Variants in MLIP observed in about 807,000 individuals in gnomAD.
MLIP encodes the protein muscular LMNA interacting protein, also known as muscular LMNA-interacting protein.
Under a neutral mutation model 84.8 loss-of-function variants are expected in MLIP, and 79 were observed. The ratio of observed to expected loss-of-function variants is 0.93; its 90% confidence interval spans 0.78 to 1.12. The LOEUF is 1.12. Among genes scored for constraint, MLIP ranks in the 50% most tolerant of loss-of-function variants. The pLI is 0.00. For missense variants in MLIP, 1,257 were observed against 1,160.6 expected (o/e 1.08, Z -1.21); for synonymous variants, 504 against 463.0 (o/e 1.09, Z -1.14).
chr6:54,201,504 A>G (rs542536620), intron 10 of MLIP, among the ~76,000 whole-genome samples: 36 of 152,316 alleles, frequency 2.4e-4, no homozygotes, highest in African/African-American at 7.7e-4. Flanking sequence ...TAGCTTCTAC[A>G]TGACATACTT....
chr6:54,124,558 G>C lies in MLIP; in HGVS notation c.338G>C (p.Ser113Thr). The C allele has an allele frequency of 1.2e-6, 2 of 1,614,198 alleles. No homozygotes were observed. Among genetic ancestry groups the C allele is most frequent in the Non-Finnish European group, 1.7e-6 (2 of 1,180,034 alleles). The change falls in exon 3 of 14, where the codon AGT becomes ACT. Residue 113 changes from serine (S) to threonine (T), a missense_variant. By Grantham distance (58) the Ser-to-Thr change is moderately conservative (BLOSUM62 1). Coordinates refer to ENST00000502396, the MANE Select transcript of MLIP (RefSeq NM_001281747.2). ...QAKLTCPSEV[S>T]GTILQEREFE... Reference sequence around the variant, plus strand: ...AAATTGACTTGTCCTTCAGAGGTCAGTGGAACGATTTTACAAGAAAGGGAA... The same window carrying C: ...AAATTGACTTGTCCTTCAGAGGTCACTGGAACGATTTTACAAGAAAGGGAA...
chr6:54,133,969 T>C (rs973042491), intron 3 of MLIP, among the ~76,000 whole-genome samples: 10 of 151,970 alleles, frequency 6.6e-5, no homozygotes, highest in South Asian at 2.1e-4. Flanking sequence ...AGCAAAGGAA[T>C]CAATAAAGAT....
intron 1 of MLIP, among the ~76,000 whole-genome samples, chr6:54,072,114 G>A (rs1347228451): frequency 2.0e-5 from 3 of 152,046 alleles, no homozygotes; most frequent in African/African-American, 7.2e-5. Flanking sequence ...TGATTCCAGT[G>A]ACCCCCCACT....
chr6:54,040,962 G>A (rs909930990), intron 1 of MLIP: 1 of 152,012 alleles, frequency 6.6e-6, no homozygotes, highest in African/African-American at 2.4e-5. Flanking sequence ...TACCTGTTGT[G>A]TAATAAGCTC....
chr6:54,237,556 T>G (rs561024122), intron 12 of MLIP, among the ~76,000 whole-genome samples: 1 of 152,010 alleles, frequency 6.6e-6, no homozygotes, highest in Admixed American at 6.6e-5. Flanking sequence ...GATCAAAACT[T>G]TGGCTGTTAA....
rs1384044800 is a variant in MLIP at position 54,216,226 on chromosome 6, C to T, written c.2718+13993C>T. On this transcript the variant is annotated intron_variant, in intron 11 of 13. Transcript: ENST00000502396. ...ATTTTGGAAGAAAGAGGTTGATTTC[C>T]TGCTAAAGGGTCAACTGAATATATT... 3.0e-6 allele frequency: 3 copies of T among 985,142 alleles called. No individual in the cohort carries two copies. In the African/African-American group the frequency reaches 5.2e-5, roughly 17 times the overall value. The allele number at this position is 985,142 out of a possible 1,614,324, so 61.0% of individuals were successfully genotyped here. A position where few individuals can be genotyped will look rare whatever the true frequency, so the allele number is the denominator to read the frequency against.
intron 1 of MLIP, among the ~76,000 whole-genome samples, chr6:54,062,991 T>C (rs1255912878): frequency 1.3e-5 from 2 of 151,878 alleles, no homozygotes; most frequent in Non-Finnish European, 2.9e-5. Context: ...TTACTTGAGG[T>C]CGCAGTTCGA....
At chr6:54,211,305 A>T (rs935064091) in intron 11 of MLIP, among the ~76,000 whole-genome samples, 1 of 152,230 alleles carries the variant, frequency 6.6e-6, no homozygotes, top group African/African-American at 2.4e-5. Context: ...GCAAGTTTAT[A>T]TGATGTTTAT....
rs1353179141 is a variant in MLIP, at chr6:54,069,172, T to A, written c.63+50081T>A. On this transcript the variant is annotated intron_variant, in intron 1 of 12. Coordinates refer to the MLIP transcript ENST00000274897. ...TGTCTCCGTGTCTGCAATCCAGGGT[T>A]GCAACTTCACTTAAGGTTTATTTGA... Among the ~76,000 whole-genome samples the A allele has an allele frequency of 5.9e-5, 6 of 101,166 alleles. 3 individuals carry two copies. The highest frequency in any genetic ancestry group is 1.7e-4 in the Non-Finnish European group (6 of 35,132). The allele number at this position is 101,166 out of a possible 152,430, so 66.4% of individuals were successfully genotyped here. A position where few individuals can be genotyped will look rare whatever the true frequency, so the allele number is the denominator to read the frequency against.
chr6:54,169,823 T>C (rs1043566977), intron 9 of MLIP, among the ~76,000 whole-genome samples: 2 of 151,702 alleles, frequency 1.3e-5, no homozygotes, highest in Admixed American at 6.6e-5. Context: ...CTGCCACACC[T>C]GCTTCCTGAT....
Position 54,114,492 on chromosome 6 carries a change from C to T in MLIP, c.96+2917C>T, listed in dbSNP as rs567342355. 9.2e-5 allele frequency among the ~76,000 whole-genome samples: 14 copies of T among 152,272 alleles called. No homozygotes were observed. In the South Asian group the frequency reaches 2.5e-3, roughly 27 times the overall value. ...ATTTTTGTGTATCTCTCATATTCCA[C>T]TTCCAATTTTTCAACAAATTTTAAG... is the stretch of plus-strand genomic sequence containing the variant. On this transcript the variant is annotated intron_variant, in intron 1 of 13. Transcript: ENST00000502396.
At position 54,257,380 on chromosome 6, in the gene MLIP, T is replaced by G. The variant is rs1222534271; in HGVS notation, c.2976+19T>G. On this transcript the variant is annotated intron_variant, in intron 13 of 13. Coordinates refer to ENST00000502396, the MANE Select transcript of MLIP (RefSeq NM_001281747.2). ...CAAAGAGGTAAATGTAAGATAGGAC[T>G]GGATATCTAATTATCCATTTCTGTG... is the stretch of plus-strand genomic sequence containing the variant. 3 of 1,558,372 alleles carry G rather than the reference T, an allele frequency of 1.9e-6. No individual in the cohort carries two copies. The highest frequency in any genetic ancestry group is 2.7e-6 in the Non-Finnish European group (3 of 1,132,020).
intron 1 of MLIP, among the ~76,000 whole-genome samples, chr6:54,096,482 C>T (rs1388827961): frequency 6.6e-6 from 1 of 151,592 alleles, no homozygotes; most frequent in Admixed American, 6.6e-5. Context: ...GGGTCAACCT[C>T]ATCTGCAGAG....
chr6:54,188,520 C>A (rs1777612487), intron 9 of MLIP, among the ~76,000 whole-genome samples: 2 of 151,862 alleles, frequency 1.3e-5, no homozygotes, highest in Admixed American at 1.3e-4. Context: ...TACACATTAG[C>A]TTAGGCCTAC....
intron 1 of MLIP, among the ~76,000 whole-genome samples, chr6:54,088,428 G>C (rs1421198248): frequency 6.6e-6 from 1 of 152,116 alleles, no homozygotes; most frequent in Non-Finnish European, 1.5e-5. Context: ...AGGTCAAAGA[G>C]TGTGGCCGGC....
intron 11 of MLIP, chr6:54,216,565 T>C (rs914443886): frequency 1.0e-6 from 1 of 981,780 alleles, no homozygotes; most frequent in Non-Finnish European, 1.2e-6. Flanking sequence ...CACTAAGTTA[T>C]CCAAATTCTA....
intron 3 of MLIP, among the ~76,000 whole-genome samples, chr6:54,126,875 T>C (rs1770964116): frequency 6.6e-6 from 1 of 152,176 alleles, no homozygotes; most frequent in Non-Finnish European, 1.5e-5. Flanking sequence ...CCTCTATTGG[T>C]TAGTCATTGA....
At chr6:54,052,657 A>G (rs1765439355) in intron 1 of MLIP, among the ~76,000 whole-genome samples, 1 of 152,340 alleles carries the variant, frequency 6.6e-6, no homozygotes, top group Non-Finnish European at 1.5e-5. Flanking sequence ...CACACATTCA[A>G]GAATGCTCTT....
At chr6:54,120,225 C>A (rs1477893933) in intron 1 of MLIP, among the ~76,000 whole-genome samples, 23 of 146,150 alleles carry the variant, frequency 1.6e-4, no homozygotes, top group African/African-American at 2.5e-5. Context: ...TCTAGGCTTG[C>A]GACTTCTTTT....
Sources: gnomAD v4.1 joint callset for allele counts (sites outside exome capture counted in the v4.1 genomes callset) on GRCh38, gnomAD v4.1.1 for gene constraint, MANE v1.5 for transcripts, NCBI Gene and HGNC (gene_info 2026-07-23, HGNC 2026-07-21) for gene names.